Variants in SDE2 observed in about 807,000 individuals in gnomAD.
SDE2 encodes splicing regulator SDE2.
A neutral mutation model predicts 46.9 loss-of-function variants in SDE2; 31 were observed. That is an observed-to-expected ratio of 0.66 (90% CI 0.50 to 0.89). The LOEUF (loss-of-function observed/expected upper bound fraction) is 0.89, where lower values mean the gene tolerates loss of function less well. Among genes scored for constraint, SDE2 ranks in the 40% least tolerant of loss-of-function variants. The pLI, the probability that SDE2 is intolerant of heterozygous loss-of-function variation, is 0.00. For synonymous variants in SDE2, 205 were observed against 204.3 expected (o/e 1.00, Z -0.03); for missense variants, 542 against 564.4 (o/e 0.96, Z 0.40).
At chr1:225,992,686 G>C in intron 3 of SDE2, 119 bp from the exon 4 acceptor site, 1 of 737,392 alleles carries the variant, frequency 1.4e-6, no homozygotes, top group Non-Finnish European at 2.2e-6. Context: ...TCTTAGAAAG[G>C]TGAGCCATGC....
Position 225,985,293 on chromosome 1 carries a change from T to C in SDE2, c.*9A>G. ...ACTATAAACAAATAGGAATCAGCTCTGATGATACTCATTTTTTCTTCCCTT... is the reference window on the plus strand; with the variant it reads ...ACTATAAACAAATAGGAATCAGCTCCGATGATACTCATTTTTTCTTCCCTT... On this transcript the variant is annotated 3_prime_UTR_variant, in exon 7 of 7. Transcript: ENST00000272091. 1 of 1,604,368 alleles carries C rather than the reference T, an allele frequency of 6.2e-7. No homozygotes were observed. The highest frequency in any genetic ancestry group is 8.5e-7 in the Non-Finnish European group (1 of 1,171,042).
Position 225,999,050 on chromosome 1 carries a change from C to T in SDE2, c.120+143G>A, listed in dbSNP as rs576139363. On this transcript the variant is annotated intron_variant, in intron 1 of 6. Coordinates refer to ENST00000272091, the MANE Select transcript of SDE2 (RefSeq NM_152608.4). ...AAGGTCTCAGTAACAATTCGAAGCA[C>T]CTTAACACTGAGGAACTCTCAGCCT... 6.1e-5 allele frequency: 41 copies of T among 671,264 alleles called. No homozygotes were observed. In the South Asian group the frequency reaches 7.9e-4, roughly 13 times the overall value. 41.6% of individuals were successfully genotyped at this position (671,264 alleles called of 1,614,324 possible).
chr1:225,999,221 TCCCGGACGGTGCACCGA>T lies in SDE2; in HGVS notation c.75_91del (p.Arg26PhefsTer26). ...ATCTTGGCAGTGCCGGTGGATAAAA[TCCCGGACGGTGCACCGA>T]CCCGAGGCACACCGCACCGCCTTGC... On this transcript the variant is annotated frameshift_variant, in exon 1 of 7. Transcript: ENST00000272091. LOFTEE classifies it high-confidence loss of function. 1 of 1,612,386 alleles carries T rather than the reference TCCCGGACGGTGCACCGA, an allele frequency of 6.2e-7. No individual in the cohort carries two copies. The highest frequency in any genetic ancestry group is 8.5e-7 in the Non-Finnish European group (1 of 1,179,260).
intron 5 of SDE2, among the ~76,000 whole-genome samples, chr1:225,989,307 A>AAAAT (rs1656341250): frequency 7.4e-6 from 1 of 134,390 alleles, no homozygotes; most frequent in African/African-American, 2.9e-5. Flanking sequence ...AAAAAAAAAA[A>AAAAT]AATAATAATA....
chr1:225,987,009 C>T (rs1398827982), intron 6 of SDE2, among the ~76,000 whole-genome samples: 1 of 152,148 alleles, frequency 6.6e-6, no homozygotes, highest in Non-Finnish European at 1.5e-5. Context: ...TAGTGAAAAA[C>T]CAACTTTTTG....
chr1:225,995,180 C>T, intron 2 of SDE2, 86 bp downstream of exon 2: 2 of 722,366 alleles, frequency 2.8e-6, no homozygotes, highest in African/African-American at 1.8e-5. Context: ...TGGCTAAAGA[C>T]AGCAAATGTC....
intron 1 of SDE2, among the ~76,000 whole-genome samples, chr1:225,997,751 T>A (rs1391313707): frequency 6.6e-6 from 1 of 152,210 alleles, no homozygotes; most frequent in African/African-American, 2.4e-5. Flanking sequence ...GCTTCCGATT[T>A]AAAAATTCTT....
At position 225,989,309 on chromosome 1, in the gene SDE2, AT is replaced by A. The variant is rs1250756202; in HGVS notation, c.642-922del. Among the ~76,000 whole-genome samples, 155 of 140,968 alleles carry A rather than the reference AT, an allele frequency of 1.1e-3. 1 individual carries two copies. The highest frequency in any genetic ancestry group is 3.0e-3 in the African/African-American group (115 of 38,136). 92.5% of individuals were successfully genotyped at this position (140,968 alleles called of 152,430 possible). ...AGACTGTCTCAAAAAAAAAAAAAAA[AT>A]AATAATAATAATAATAAATAGTTAT... On this transcript the variant is annotated intron_variant, in intron 5 of 6. Coordinates refer to ENST00000272091, the MANE Select transcript of SDE2 (RefSeq NM_152608.4).
chr1:225,999,123 AC>A, intron 1 of SDE2, 69 bp downstream of exon 1: 1 of 1,302,746 alleles, frequency 7.7e-7, no homozygotes, highest in Non-Finnish European at 1.1e-6. Flanking sequence ...CCCCGGACAG[AC>A]CTACTCCGCA....
At chr1:225,990,409 G>A (rs566225119) in intron 5 of SDE2, among the ~76,000 whole-genome samples, 1 of 152,254 alleles carries the variant, frequency 6.6e-6, no homozygotes, top group Non-Finnish European at 1.5e-5. Flanking sequence ...AACTGCAAAA[G>A]GGCACGTGGG....
At chr1:225,994,980 G>T (rs1656489528) in intron 2 of SDE2, among the ~76,000 whole-genome samples, 1 of 152,166 alleles carries the variant, frequency 6.6e-6, no homozygotes, top group African/African-American at 2.4e-5. Context: ...GGAGGTCAAA[G>T]CTGCAGTGAG....
At position 225,995,391 on chromosome 1, in the gene SDE2, C is replaced by A. The variant is rs757280473; in HGVS notation, c.121-8G>T. On this transcript the variant is annotated splice_region_variant and splice_polypyrimidine_tract_variant and intron_variant, in intron 1 of 6. Transcript: ENST00000272091. ...GTTTTCCACTGGAACATTCTAGAGA[C>A]AAATTTGTTTTTTTAATGCCTTTTA... 1 of 1,530,462 alleles carries A rather than the reference C, an allele frequency of 6.5e-7. No homozygotes were observed. The highest frequency in any genetic ancestry group is 1.1e-5 in the South Asian group (1 of 87,952). 94.8% of individuals were successfully genotyped at this position (1,530,462 alleles called of 1,614,324 possible). A position where few individuals can be genotyped will look rare whatever the true frequency, so the allele number is the denominator to read the frequency against.
In SDE2 at chr1:225,988,066, TCTC is replaced by T. The variant is rs764500509; in HGVS notation, c.961_963del (p.Glu321del). 8 of 1,614,168 alleles carry T rather than the reference TCTC, an allele frequency of 5.0e-6. No individual in the cohort carries two copies. The Admixed American group carries it at 6.7e-5, about 13-fold the overall frequency. On this transcript the variant is annotated inframe_deletion, in exon 6 of 7. Transcript: ENST00000272091. Reference sequence around the variant, plus strand: ...ATGGGTTCTTTACTCTCTGCCTTCTTCTCCTGGGTCTCTTCTGTTTCTGTAACC... The same window carrying T: ...ATGGGTTCTTTACTCTCTGCCTTCTTCTGGGTCTCTTCTGTTTCTGTAACC...
At chr1:225,986,589 A>G (rs370558998) in intron 6 of SDE2, among the ~76,000 whole-genome samples, 26 of 152,198 alleles carry the variant, frequency 1.7e-4, no homozygotes, top group African/African-American at 6.3e-4. Context: ...GTGTTTAAAG[A>G]ATCACACTTG....
intron 4 of SDE2, among the ~76,000 whole-genome samples, chr1:225,991,770 A>G (rs1482391206): frequency 5.3e-5 from 8 of 152,380 alleles, no homozygotes; most frequent in Non-Finnish European, 1.0e-4. Context: ...AACAAAAGTT[A>G]ATGAGAATCA....
Position 225,999,096 on chromosome 1 carries a change from GAATA to G in SDE2, c.120+93_120+96del, listed in dbSNP as rs1161608057. On this transcript the variant is annotated intron_variant, in intron 1 of 6. Coordinates refer to ENST00000272091, the MANE Select transcript of SDE2 (RefSeq NM_152608.4). ...AGCCTCAACGAGTGAAAACCCCAGAGAATAAACGTACCCCCGCCCCGGACAGACC... is the reference window on the plus strand; with the variant it reads ...AGCCTCAACGAGTGAAAACCCCAGAGAACGTACCCCCGCCCCGGACAGACC... 6 of 969,278 alleles carry G rather than the reference GAATA, an allele frequency of 6.2e-6. No individual in the cohort carries two copies. The Admixed American group carries it at 1.0e-4, about 16-fold the overall frequency. 60.0% of individuals were successfully genotyped at this position (969,278 alleles called of 1,614,324 possible). A position where few individuals can be genotyped will look rare whatever the true frequency, so the allele number is the denominator to read the frequency against.
At chr1:225,997,397 TTAAG>T (rs1277117608) in intron 1 of SDE2, among the ~76,000 whole-genome samples, 2 of 152,212 alleles carry the variant, frequency 1.3e-5, no homozygotes, top group Non-Finnish European at 2.9e-5. Context: ...GTCATGTTCC[TTAAG>T]TTTCTGACTG....
In SDE2 at chr1:225,985,256, TA is replaced by T. The variant is rs773259670; in HGVS notation, c.*45del. 11 of 1,452,208 alleles carry T rather than the reference TA, an allele frequency of 7.6e-6. No individual in the cohort carries two copies. The highest frequency in any genetic ancestry group is 9.7e-6 in the Non-Finnish European group (10 of 1,032,678). The allele number at this position is 1,452,208 out of a possible 1,614,324, so 90.0% of individuals were successfully genotyped here. A position where few individuals can be genotyped will look rare whatever the true frequency, so the allele number is the denominator to read the frequency against. On this transcript the variant is annotated 3_prime_UTR_variant, in exon 7 of 7. Transcript: ENST00000272091. ...TCAAGAGTCCACATTATGCAGGTTG[TA>T]AATGGTAGACACTATAAACAAATAG...
At chr1:225,996,841 C>A (rs951157809) in intron 1 of SDE2, among the ~76,000 whole-genome samples, 10 of 152,136 alleles carry the variant, frequency 6.6e-5, no homozygotes, top group Non-Finnish European at 1.5e-5. Flanking sequence ...AACATCAGAT[C>A]TGGATTGTGA....
Sources: gnomAD v4.1 joint callset for allele counts (sites outside exome capture counted in the v4.1 genomes callset) on GRCh38, gnomAD v4.1.1 for gene constraint, MANE v1.5 for transcripts, NCBI Gene and HGNC (gene_info 2026-07-23, HGNC 2026-07-21) for gene names.